Variants in IQCE observed in about 807,000 individuals in gnomAD.
The protein encoded by IQCE is IQ domain-containing protein E.
A neutral mutation model predicts 96.0 loss-of-function variants in IQCE; 115 were observed. The ratio of observed to expected loss-of-function variants is 1.20; its 90% CI spans 1.03 to 1.40. IQCE has a LOEUF of 1.40. Ranked by LOEUF, IQCE falls within the 40% of genes most tolerant of loss-of-function variation. The pLI is 0.00. For synonymous variants in IQCE, 412 were observed against 371.2 expected, an observed-to-expected ratio of 1.11 and a Z score of -1.26; for missense variants, 1,041 against 909.1, an observed-to-expected ratio of 1.15 and a Z score of -1.87.
chr7:2,579,510 A>G (rs1782486474), intron 8 of IQCE, among the ~76,000 whole-genome samples: 1 of 152,240 alleles, frequency 6.6e-6, no homozygotes, highest in African/African-American at 2.4e-5. Context: ...CTCTAAAGAA[A>G]AAAGGCCGTG....
At chr7:2,580,307 A>AG (rs1782566318) in intron 8 of IQCE, 1 of 150,048 alleles carries the variant, frequency 6.7e-6, no homozygotes, top group South Asian at 2.1e-4. Flanking sequence ...AAAAAAAAAA[A>AG]AGATTTTAAA....
At chr7:2,595,129 G>A (rs142080278) in intron 16 of IQCE, among the ~76,000 whole-genome samples, 153 bp downstream of exon 16, 150 of 152,294 alleles carry the variant, frequency 9.8e-4, no homozygotes, top group African/African-American at 3.1e-3. Context: ...AACTCATGTC[G>A]TGTGTATCGA....
Position 2,578,347 on chromosome 7 carries a change from C to T in IQCE, c.571C>T (p.Pro191Ser), listed in dbSNP as rs769673723. Residue 191 changes from proline to serine, a missense_variant, in exon 7 of 22, where the codon CCC becomes TCC. Physicochemically the swap from Pro to Ser is moderately conservative, Grantham distance 74. Transcript: ENST00000402050. Reference protein sequence around the residue: ...KDRQIEQLLDPSRGTDFVRTL... With the variant: ...KDRQIEQLLDSSRGTDFVRTL... Reference sequence around the variant, plus strand: ...CCGGCAGATAGAGCAGCTCCTGGATCCCAGCCGCGTAAGCTCCTGGCGCTT... The same window carrying T: ...CCGGCAGATAGAGCAGCTCCTGGATTCCAGCCGCGTAAGCTCCTGGCGCTT... 9.3e-6 allele frequency: 15 copies of T among 1,613,818 alleles called. No homozygotes were observed. The Admixed American group carries it at 2.5e-4, about 27-fold the overall frequency.
chr7:2,574,925 C>T (rs962228554), intron 6 of IQCE, among the ~76,000 whole-genome samples: 18 of 152,292 alleles, frequency 1.2e-4, no homozygotes, highest in East Asian at 5.8e-4. Flanking sequence ...AATCTCTGTG[C>T]GGCTCCTTCT....
chr7:2,608,098 C>CA, intron 21 of IQCE, among the ~76,000 whole-genome samples: 1 of 152,176 alleles, frequency 6.6e-6, no homozygotes, highest in East Asian at 1.9e-4. Flanking sequence ...TGAGGAAGGC[C>CA]AGGGGGTGAA....
chr7:2,607,124 T>G lies in IQCE; in HGVS notation c.1866T>G (p.Ser622Arg). 2 of 1,595,320 alleles carry G rather than the reference T, an allele frequency of 1.3e-6. No individual in the cohort carries two copies. Among genetic ancestry groups the G allele is most frequent in the Non-Finnish European group, 8.5e-7 (1 of 1,172,290 alleles). The change falls in exon 21 of 22, where the codon AGT becomes AGG. Residue 622 changes from serine (S) to arginine (R), a missense_variant and splice_region_variant. Coordinates refer to ENST00000402050, the MANE Select transcript of IQCE (RefSeq NM_152558.5). ...GCTGGCGTTTTCTGTTTTTTTCCAGTGCTACCGGTAAAAGAACCACCACCG... is the reference window on the plus strand; with the variant it reads ...GCTGGCGTTTTCTGTTTTTTTCCAGGGCTACCGGTAAAAGAACCACCACCG... Reference protein sequence around the residue: ...LRAHLARARHSATGKRTTTAA... With the variant: ...LRAHLARARHRATGKRTTTAA...
intron 21 of IQCE, 100 bp downstream of exon 21, chr7:2,607,327 G>A (rs545905471): frequency 1.4e-5 from 21 of 1,525,646 alleles, no homozygotes; most frequent in South Asian, 2.5e-5. Flanking sequence ...GTGTCGGGAC[G>A]GAAGGGAGGA....
Position 2,612,373 on chromosome 7 carries a change from G to T in IQCE, c.*2211G>T, listed in dbSNP as rs965335934. ...CCCTTTGCTGGGTACAGCCTGCCTG[G>T]CTGTTCTGTGGTCCTGGAACGCTGC... On this transcript the variant is annotated 3_prime_UTR_variant, in exon 22 of 22. Coordinates refer to ENST00000402050, the MANE Select transcript of IQCE (RefSeq NM_152558.5). 2 of 152,244 alleles carry T rather than the reference G, an allele frequency of 1.3e-5. No individual in the cohort carries two copies. Among genetic ancestry groups the T allele is most frequent in the African/African-American group, 4.8e-5 (2 of 41,308 alleles). The allele number at this position is 152,244 out of a possible 1,614,324, so 9.4% of individuals were successfully genotyped here.
At chr7:2,597,222 C>G (rs979364848) in intron 16 of IQCE, 2 of 439,646 alleles carry the variant, frequency 4.5e-6, no homozygotes, top group Non-Finnish European at 9.5e-6. Context: ...TCAGCTGTCC[C>G]GCACCTGGCC....
At chr7:2,582,671 T>A (rs1197484069) in intron 9 of IQCE, 21 bp downstream of exon 9, 4 of 1,603,364 alleles carry the variant, frequency 2.5e-6, no homozygotes, top group Non-Finnish European at 3.4e-6. Context: ...GGCTGCACCC[T>A]CTCCCCTGCC....
At chr7:2,565,134 GT>G (rs1298502700) in intron 1 of IQCE, among the ~76,000 whole-genome samples, 5 of 43,134 alleles carry the variant, frequency 1.2e-4, no homozygotes, top group Admixed American at 2.1e-4. Flanking sequence ...ATGTGTGTGA[GT>G]GTGTGTGTGT....
chr7:2,605,885 G>A lies in IQCE; in HGVS notation c.1753G>A (p.Val585Met). Reference protein sequence around the residue: ...VPGLPDQSSPVPRVPSPIAQA... With the variant: ...VPGLPDQSSPMPRVPSPIAQA... Reference sequence around the variant, plus strand: ...TGTCCTTGCACCCCAGAGCTCTCCTGTGCCCCGCGTTCCGAGCCCCATCGC... The same window carrying A: ...TGTCCTTGCACCCCAGAGCTCTCCTATGCCCCGCGTTCCGAGCCCCATCGC... Residue 585 changes from valine to methionine, a missense_variant, in exon 20 of 22, where the codon GTG (valine) becomes ATG (methionine). By Grantham distance (21) the Val-to-Met change is conservative. Transcript: ENST00000402050. 2 of 1,603,538 alleles carry A rather than the reference G, an allele frequency of 1.2e-6. No individual in the cohort carries two copies. The highest frequency in any genetic ancestry group is 1.7e-6 in the Non-Finnish European group (2 of 1,176,112).
intron 8 of IQCE, among the ~76,000 whole-genome samples, chr7:2,580,588 G>C (rs1292584645): frequency 6.6e-6 from 1 of 152,134 alleles, no homozygotes; most frequent in African/African-American, 2.4e-5. Flanking sequence ...CTCCAGCCTG[G>C]GCTACAAGAG....
chr7:2,564,910 C>T (rs1480387722), intron 1 of IQCE, among the ~76,000 whole-genome samples: 1 of 152,218 alleles, frequency 6.6e-6, no homozygotes, highest in African/African-American at 2.4e-5. Flanking sequence ...TGATTCTGGA[C>T]TTCCAGCCTC....
In IQCE at chr7:2,573,500, G is replaced by A; in HGVS notation, c.465+12G>A. 1 of 1,412,316 alleles carries A rather than the reference G, an allele frequency of 7.1e-7. No individual in the cohort carries two copies. The highest frequency in any genetic ancestry group is 1.0e-6 in the Non-Finnish European group (1 of 998,244). The allele number at this position is 1,412,316 out of a possible 1,614,324, so 87.5% of individuals were successfully genotyped here. A position where few individuals can be genotyped will look rare whatever the true frequency, so the allele number is the denominator to read the frequency against. On this transcript the variant is annotated intron_variant, in intron 6 of 21. Transcript: ENST00000402050. ...TTGAGTTAAAGAAGGTAGTATTTCG[G>A]TTTGTTCTCTATTGATTTGAAACGG... is the stretch of plus-strand genomic sequence containing the variant.
intron 21 of IQCE, among the ~76,000 whole-genome samples, chr7:2,608,464 T>G (rs982624965): frequency 2.6e-5 from 4 of 152,248 alleles, no homozygotes; most frequent in Non-Finnish European, 4.4e-5. Flanking sequence ...TAACCTAGTT[T>G]CGTCAGAGCT....
At chr7:2,602,578 G>C (rs1007609852) in intron 18 of IQCE, among the ~76,000 whole-genome samples, 1 of 152,192 alleles carries the variant, frequency 6.6e-6, no homozygotes, top group South Asian at 2.1e-4. Context: ...CTCAGCACCC[G>C]CTTGTCCTCA....
At chr7:2,579,253 A>AAAGTGGGACATG (rs1207104315) in intron 8 of IQCE, among the ~76,000 whole-genome samples, 1 of 152,212 alleles carries the variant, frequency 6.6e-6, no homozygotes, top group Non-Finnish European at 1.5e-5. Context: ...TCAAGGAAGT[A>AAAGTGGGACATG]CTTCTCTAAA....
chr7:2,598,543 C>T lies in IQCE; in HGVS notation c.1519C>T (p.Leu507Phe). ...DWPPDSSEEG[L>F]PRPRSPCSDG... Reference sequence around the variant, plus strand: ...GCCGCCGGATTCCAGCGAGGAGGGGCTCCCGCGGCCCCGCTCCCCCTGCTC... The same window carrying T: ...GCCGCCGGATTCCAGCGAGGAGGGGTTCCCGCGGCCCCGCTCCCCCTGCTC... Residue 507 changes from leucine (L) to phenylalanine (F), a missense_variant, in exon 17 of 22, where the codon CTC becomes TTC. Transcript: ENST00000402050. 6.2e-7 allele frequency: 1 copy of T among 1,611,112 alleles called. No homozygotes were observed. Among genetic ancestry groups the T allele is most frequent in the Non-Finnish European group, 8.5e-7 (1 of 1,178,810 alleles).
Sources: allele counts gnomAD v4.1 joint callset (sites outside exome capture counted in the v4.1 genomes callset), GRCh38; gene constraint gnomAD v4.1.1; transcripts MANE v1.5; gene names NCBI Gene and HGNC (gene_info 2026-07-23, HGNC 2026-07-21).